The following EPHB1 variants were observed in gnomAD, a reference collection of about 807,000 sequenced individuals.
EPHB1 encodes ephrin type-B receptor 1.
A neutral mutation model predicts 94.4 loss-of-function variants in EPHB1; 30 were observed. The observed-to-expected ratio is 0.32, with a 90% CI of 0.24 to 0.43. EPHB1 has a LOEUF of 0.43. EPHB1 is among the 20% of genes least tolerant of loss of function. EPHB1 has a pLI of 1.00. For missense variants in EPHB1, 1,055 were observed against 1,308.3 expected (o/e 0.81, Z 2.99); for synonymous variants, 522 against 489.1 (o/e 1.07, Z -0.89).
rs1263240898 is a variant in EPHB1, at chr3:135,259,138, G to A, written c.*18G>A. 3.2e-6 allele frequency: 5 copies of A among 1,584,434 alleles called. No individual in the cohort carries two copies. The highest frequency in any genetic ancestry group is 4.3e-6 in the Non-Finnish European group (5 of 1,161,556). ...TGGCATGAGAACTCTTGTTTCTTGG[G>A]GAAGGAGAGGAGGGAAAAGGACCAG... On this transcript the variant is annotated 3_prime_UTR_variant, in exon 16 of 16. Coordinates refer to ENST00000398015, the MANE Select transcript of EPHB1 (RefSeq NM_004441.5).
At chr3:134,944,286 C>T (rs924433870) in intron 2 of EPHB1, among the ~76,000 whole-genome samples, 2 of 152,152 alleles carry the variant, frequency 1.3e-5, no homozygotes, top group Non-Finnish European at 2.9e-5. Flanking sequence ...TGTTGCCGTA[C>T]GTACTAGTAC....
At chr3:135,196,366 T>C (rs559746529) in intron 11 of EPHB1, among the ~76,000 whole-genome samples, 16 of 152,206 alleles carry the variant, frequency 1.1e-4, no homozygotes, top group African/African-American at 3.9e-4. Flanking sequence ...TGAGCTGAGC[T>C]TGCAGGGGAA....
intron 3 of EPHB1, among the ~76,000 whole-genome samples, chr3:135,038,566 C>G (rs890309914): frequency 6.6e-6 from 1 of 152,166 alleles, no homozygotes; most frequent in African/African-American, 2.4e-5. Context: ...TTGGTGGGTT[C>G]TTGGTCTCAC....
At chr3:135,031,793 G>A (rs1936482899) in intron 3 of EPHB1, among the ~76,000 whole-genome samples, 1 of 152,084 alleles carries the variant, frequency 6.6e-6, no homozygotes, top group Non-Finnish European at 1.5e-5. Context: ...ATGCTTGAAA[G>A]GTAAATGTTT....
At chr3:134,823,232 T>G (rs1292054528) in intron 1 of EPHB1, among the ~76,000 whole-genome samples, 1 of 152,150 alleles carries the variant, frequency 6.6e-6, no homozygotes, top group Non-Finnish European at 1.5e-5. Flanking sequence ...ATGGAGAAAG[T>G]CAGTTCAGAG....
intron 4 of EPHB1, among the ~76,000 whole-genome samples, chr3:135,122,967 G>T (rs1940036592): frequency 6.6e-6 from 1 of 152,192 alleles, no homozygotes; most frequent in South Asian, 2.1e-4. Flanking sequence ...CATAGTCCTG[G>T]AATCATGGTT....
chr3:135,239,295 T>C lies in EPHB1; in HGVS notation c.2347-1853T>C, dbSNP rs192894834. On this transcript the variant is annotated intron_variant, in intron 12 of 15. Transcript: ENST00000398015. ...ACTTTGCTGTTTGCTCCTTTTTTTT[T>C]TCTGCCTAGCTCGGGTTAACCATTT... 5.5e-4 allele frequency among the ~76,000 whole-genome samples: 83 copies of C among 152,236 alleles called. No individual in the cohort carries two copies. In the East Asian group the frequency reaches 0.015, roughly 28 times the overall value.
chr3:135,161,098 C>T (rs527630671), intron 6 of EPHB1, among the ~76,000 whole-genome samples: 1 of 152,186 alleles, frequency 6.6e-6, no homozygotes, highest in South Asian at 2.1e-4. Flanking sequence ...AGTCCAGGCA[C>T]AAATCATGTG....
At chr3:135,049,065 G>A (rs377081273) in intron 3 of EPHB1, among the ~76,000 whole-genome samples, 14 of 152,070 alleles carry the variant, frequency 9.2e-5, no homozygotes, top group East Asian at 5.8e-4. Context: ...AAGTGGAGCC[G>A]CCTATTCTGC....
At chr3:135,187,441 G>A (rs1942356417) in intron 10 of EPHB1, among the ~76,000 whole-genome samples, 1 of 152,158 alleles carries the variant, frequency 6.6e-6, no homozygotes, top group African/African-American at 2.4e-5. Context: ...TCAGATGATG[G>A]CGAATCGAAG....
At chr3:135,030,755 G>A (rs1480190774) in intron 3 of EPHB1, among the ~76,000 whole-genome samples, 1 of 152,266 alleles carries the variant, frequency 6.6e-6, no homozygotes, top group Non-Finnish European at 1.5e-5. Context: ...GCTCCACCCA[G>A]TTCAAGCTTC....
At chr3:135,093,623 A>G (rs6780733) in intron 3 of EPHB1, among the ~76,000 whole-genome samples, 151,864 of 152,018 alleles carry the variant, frequency 1, 75,855 homozygotes, top group Non-Finnish European at 1. Flanking sequence ...TCGGGAAGCT[A>G]TGGTGGGAGA....
intron 1 of EPHB1, among the ~76,000 whole-genome samples, chr3:134,880,123 C>A (rs1199399816): frequency 1.3e-5 from 2 of 152,224 alleles, no homozygotes; most frequent in African/African-American, 4.8e-5. Flanking sequence ...AAGAAGCACT[C>A]TGCTTCAGTC....
rs1424213544 is a variant in EPHB1 at position 135,076,260 on chromosome 3, T to TATATATATATATATATATAA, written c.806-30187_806-30186insTATATATATATATATATAAA. ...ATATATATATATATATATATATATA[T>TATATATATATATATATATAA]AACTCTTAAATGCATTAGTAAAAAG... On this transcript the variant is annotated intron_variant, in intron 3 of 15. Transcript: ENST00000398015. Among the ~76,000 whole-genome samples the TATATATATATATATATATAA allele has an allele frequency of 1.8e-3, 192 of 104,300 alleles. 4 individuals are homozygous for TATATATATATATATATATAA. Among genetic ancestry groups the TATATATATATATATATATAA allele is most frequent in the African/African-American group, 6.4e-3 (178 of 27,606 alleles). The allele number at this position is 104,300 out of a possible 152,430, so 68.4% of individuals were successfully genotyped here. A position where few individuals can be genotyped will look rare whatever the true frequency, so the allele number is the denominator to read the frequency against.
intron 1 of EPHB1, among the ~76,000 whole-genome samples, chr3:134,924,802 A>T (rs1326528636): frequency 6.6e-6 from 1 of 152,244 alleles, no homozygotes; most frequent in African/African-American, 2.4e-5. Context: ...AAGATTTTTT[A>T]AAAATGGCAT....
chr3:134,929,404 G>A (rs1336763597), intron 2 of EPHB1, among the ~76,000 whole-genome samples: 1 of 152,188 alleles, frequency 6.6e-6, no homozygotes, highest in Non-Finnish European at 1.5e-5. Flanking sequence ...AATATGGCAA[G>A]GAGTAAGAGC....
chr3:134,861,696 T>C (rs2037262801), intron 1 of EPHB1, among the ~76,000 whole-genome samples: 1 of 152,092 alleles, frequency 6.6e-6, no homozygotes, highest in African/African-American at 2.4e-5. Flanking sequence ...TGTTTAGTAC[T>C]GTTAGGCTAA....
At chr3:134,897,396 C>T (rs906090081) in intron 1 of EPHB1, among the ~76,000 whole-genome samples, 25 of 152,160 alleles carry the variant, frequency 1.6e-4, no homozygotes, top group East Asian at 5.8e-4. Context: ...AGTGAAGGAG[C>T]GGCCCTGCAG....
At chr3:135,185,464 G>A (rs564391022) in intron 10 of EPHB1, among the ~76,000 whole-genome samples, 117 of 152,330 alleles carry the variant, frequency 7.7e-4, no homozygotes, top group African/African-American at 2.7e-3. Flanking sequence ...AACACTCACC[G>A]TGTGTCTGAC....
Sources: gnomAD v4.1 joint callset for allele counts (sites outside exome capture counted in the v4.1 genomes callset) on GRCh38, gnomAD v4.1.1 for gene constraint, MANE v1.5 for transcripts, NCBI Gene and HGNC (gene_info 2026-07-23, HGNC 2026-07-21) for gene names.